NUDCD1: variants seen among roughly 807,000 people sequenced by gnomAD.
The protein encoded by NUDCD1 is nudC domain-containing protein 1.
NUDCD1 carries 60 observed loss-of-function variants against 67.8 expected under a neutral mutation model. That is an observed-to-expected ratio of 0.88 (90% CI 0.72 to 1.10). The LOEUF is 1.10. Ranked by LOEUF, NUDCD1 falls within the 50% of genes least tolerant of loss-of-function variation. The pLI is 0.00. For synonymous variants in NUDCD1, 244 were observed against 230.8 expected (o/e 1.06, Z -0.52); for missense variants, 643 against 695.0 (o/e 0.93, Z 0.84).
chr8:109,325,460 A>C (rs1167836360), intron 1 of NUDCD1, among the ~76,000 whole-genome samples: 2 of 152,238 alleles, frequency 1.3e-5, no homozygotes, highest in Non-Finnish European at 2.9e-5. Flanking sequence ...ATATAACATA[A>C]AATCCCAGTT....
chr8:109,290,036 T>G, intron 4 of NUDCD1, 103 bp from the exon 5 acceptor site: 2 of 559,416 alleles, frequency 3.6e-6, no homozygotes, highest in Non-Finnish European at 5.9e-6. Context: ...ATAATTTGAA[T>G]GTATTATTAA....
chr8:109,321,905 C>T (rs370976969), intron 2 of NUDCD1, among the ~76,000 whole-genome samples: 3 of 152,048 alleles, frequency 2.0e-5, no homozygotes, highest in Admixed American at 1.3e-4. Context: ...CTAAAAGAAT[C>T]AATTCAGTAT....
chr8:109,316,846 T>A (rs1033761966), intron 2 of NUDCD1, among the ~76,000 whole-genome samples: 1 of 152,184 alleles, frequency 6.6e-6, no homozygotes, highest in Non-Finnish European at 1.5e-5. Flanking sequence ...AAATGGTACC[T>A]TGAAATTAGT....
At chr8:109,293,565 T>C (rs886429363) in intron 3 of NUDCD1, 41 bp from the exon 4 acceptor site, 3 of 1,121,966 alleles carry the variant, frequency 2.7e-6, no homozygotes, top group Non-Finnish European at 3.8e-6. Context: ...TGTACATAAT[T>C]ACATGAACAC....
intron 2 of NUDCD1, among the ~76,000 whole-genome samples, chr8:109,321,394 G>A (rs1419900002): frequency 2.6e-5 from 4 of 152,072 alleles, no homozygotes; most frequent in Non-Finnish European, 5.9e-5. Context: ...TTAATTAGAG[G>A]CAGACTGTGG....
intron 8 of NUDCD1, among the ~76,000 whole-genome samples, chr8:109,268,880 G>A (rs1814073225): frequency 6.6e-6 from 1 of 152,062 alleles, no homozygotes; most frequent in Non-Finnish European, 1.5e-5. Flanking sequence ...TCATGTATGG[G>A]ATTATGTCAA....
At chr8:109,271,246 A>G in intron 7 of NUDCD1, 116 bp from the exon 8 acceptor site, 1 of 611,940 alleles carries the variant, frequency 1.6e-6, no homozygotes, top group Non-Finnish European at 2.8e-6. Context: ...TTGCAAACCT[A>G]TGACCAATAA....
chr8:109,304,232 G>C (rs1257407230), intron 2 of NUDCD1, among the ~76,000 whole-genome samples: 1 of 152,116 alleles, frequency 6.6e-6, no homozygotes, highest in African/African-American at 2.4e-5. Context: ...TAGCCTTTCT[G>C]TCCAAACAAC....
chr8:109,281,569 A>T (rs1484349240), intron 5 of NUDCD1, among the ~76,000 whole-genome samples: 1 of 152,194 alleles, frequency 6.6e-6, no homozygotes, highest in Non-Finnish European at 1.5e-5. Flanking sequence ...CTAGCAAAGC[A>T]GTTACATAAT....
Position 109,252,452 on chromosome 8 carries a change from TA to T in NUDCD1, c.1300-6972del, listed in dbSNP as rs140508782. ...CTCAGCAGCTTAGGCTGCTGATACT[TA>T]AAAAAAAACAGTGCAGGCAAGACTT... On this transcript the variant is annotated intron_variant, in intron 8 of 9. Coordinates refer to ENST00000239690, the MANE Select transcript of NUDCD1 (RefSeq NM_032869.4). 8.2e-3 allele frequency among the ~76,000 whole-genome samples: 1,236 copies of T among 151,054 alleles called. 7 individuals are homozygous for T. Among genetic ancestry groups the T allele is most frequent in the African/African-American group, 9.1e-3 (376 of 41,156 alleles).
chr8:109,297,909 C>A (rs1181203114), intron 2 of NUDCD1, among the ~76,000 whole-genome samples: 1 of 152,030 alleles, frequency 6.6e-6, no homozygotes, highest in Non-Finnish European at 1.5e-5. Context: ...AAAAGTAATC[C>A]TTTATATCCA....
intron 2 of NUDCD1, among the ~76,000 whole-genome samples, chr8:109,303,283 C>T (rs982070736): frequency 2.6e-5 from 4 of 152,222 alleles, no homozygotes; most frequent in Admixed American, 1.3e-4. Context: ...TGGCTGAAGA[C>T]TAACACTGCC....
chr8:109,242,471 T>C lies in NUDCD1; in HGVS notation c.*538A>G, dbSNP rs998815871. On this transcript the variant is annotated 3_prime_UTR_variant, in exon 10 of 10. Transcript: ENST00000239690. Reference sequence around the variant, plus strand: ...GCAGAGCAACTGGCTAAAAGTTACATAAAGCTATACTTAATTTGAAAATAA... The same window carrying C: ...GCAGAGCAACTGGCTAAAAGTTACACAAAGCTATACTTAATTTGAAAATAA... 13 of 234,530 alleles carry C rather than the reference T, an allele frequency of 5.5e-5. No individual in the cohort carries two copies. The highest frequency in any genetic ancestry group is 1.1e-4 in the Non-Finnish European group (13 of 123,040). 14.5% of individuals were successfully genotyped at this position (234,530 alleles called of 1,614,324 possible).
At chr8:109,297,380 T>C (rs529672453) in intron 2 of NUDCD1, among the ~76,000 whole-genome samples, 1 of 152,202 alleles carries the variant, frequency 6.6e-6, no homozygotes, top group Non-Finnish European at 1.5e-5. Flanking sequence ...GGTTTGAATG[T>C]GGTATCCTCC....
chr8:109,247,830 A>G (rs1275395776), intron 8 of NUDCD1, among the ~76,000 whole-genome samples: 3 of 152,198 alleles, frequency 2.0e-5, no homozygotes, highest in Non-Finnish European at 4.4e-5. Context: ...CAAATTATTT[A>G]TCATATTATA....
Position 109,289,946 on chromosome 8 carries a change from T to C in NUDCD1, c.641-13A>G, listed in dbSNP as rs1383182647. The C allele has an allele frequency of 4.7e-6, 6 of 1,282,302 alleles. No homozygotes were observed. The highest frequency in any genetic ancestry group is 5.3e-6 in the Non-Finnish European group (5 of 934,798). The allele number at this position is 1,282,302 out of a possible 1,614,324, so 79.4% of individuals were successfully genotyped here. On this transcript the variant is annotated splice_polypyrimidine_tract_variant and intron_variant, in intron 4 of 9. Transcript: ENST00000239690. ...TATTTTTTATTATCTGTAAGAAAAG[T>C]ATTTCAGAACAAAACATTACAAATA...
intron 1 of NUDCD1, among the ~76,000 whole-genome samples, chr8:109,324,389 A>T (rs1402412086): frequency 6.6e-6 from 1 of 151,508 alleles, no homozygotes; most frequent in Non-Finnish European, 1.5e-5. Flanking sequence ...TTTTCAAAAA[A>T]ATACAAAAAA....
chr8:109,313,860 C>T (rs1815321725), intron 2 of NUDCD1: 2 of 1,061,904 alleles, frequency 1.9e-6, no homozygotes, highest in East Asian at 1.2e-4. Flanking sequence ...GGTACAATAT[C>T]CAATAGAATG....
chr8:109,247,919 T>C (rs777896532), intron 8 of NUDCD1, among the ~76,000 whole-genome samples: 7 of 132,366 alleles, frequency 5.3e-5, no homozygotes, highest in Non-Finnish European at 1.2e-4. Context: ...CTAAATCCCT[T>C]GGAACCTGTG....
Sources: allele counts gnomAD v4.1 joint callset (sites outside exome capture counted in the v4.1 genomes callset), GRCh38; gene constraint gnomAD v4.1.1; transcripts MANE v1.5; gene names NCBI Gene and HGNC (gene_info 2026-07-23, HGNC 2026-07-21).